The following TMEM132C variants were observed in gnomAD, a reference collection of about 807,000 sequenced individuals.
TMEM132C encodes transmembrane protein 132C, also known as protein phosphatase 1, regulatory subunit 152.
In TMEM132C, 29 loss-of-function variants were observed where a neutral mutation model predicts 61.4. The ratio of observed to expected loss-of-function variants is 0.47; its 90% confidence interval spans 0.35 to 0.64. The LOEUF (loss-of-function observed/expected upper bound fraction) is 0.64. TMEM132C is among the 30% of genes least tolerant of loss of function. The pLI, the probability that TMEM132C is intolerant of heterozygous loss-of-function variation, is 0.00. For missense variants in TMEM132C, 1,408 were observed against 1,476.9 expected, an observed-to-expected ratio of 0.95 and a Z score of 0.76; for synonymous variants, 656 against 633.1, an observed-to-expected ratio of 1.04 and a Z score of -0.54.
At chr12:128,662,066 G>A (rs964463256) in intron 4 of TMEM132C, among the ~76,000 whole-genome samples, 11 of 152,110 alleles carry the variant, frequency 7.2e-5, no homozygotes, top group African/African-American at 2.4e-4. Context: ...AAAGTTATCA[G>A]CCATGTTTTC....
intron 1 of TMEM132C, among the ~76,000 whole-genome samples, chr12:128,303,611 AG>A (rs1249239243): frequency 6.6e-6 from 1 of 152,244 alleles, no homozygotes; most frequent in East Asian, 1.9e-4. Context: ...CTTAGGCATC[AG>A]GAGAAGTTTG....
chr12:128,477,428 T>G (rs1871185872), intron 2 of TMEM132C, among the ~76,000 whole-genome samples: 1 of 152,186 alleles, frequency 6.6e-6, no homozygotes, highest in African/African-American at 2.4e-5. Flanking sequence ...GATAAGTCCA[T>G]GGCTCAGCCC....
At chr12:128,552,079 C>A (rs866060462) in intron 3 of TMEM132C, among the ~76,000 whole-genome samples, 1 of 152,212 alleles carries the variant, frequency 6.6e-6, no homozygotes, top group Non-Finnish European at 1.5e-5. Flanking sequence ...GAGGCGGGCT[C>A]CCCAGCGGGG....
At chr12:128,596,519 C>T (rs1875958001) in intron 3 of TMEM132C, among the ~76,000 whole-genome samples, 1 of 149,756 alleles carries the variant, frequency 6.7e-6, no homozygotes, top group African/African-American at 2.5e-5. Context: ...GGTCCTGGTA[C>T]AGAGGCGGCA....
intron 2 of TMEM132C, among the ~76,000 whole-genome samples, chr12:128,538,360 G>T (rs1873612186): frequency 6.6e-6 from 1 of 152,168 alleles, no homozygotes; most frequent in Non-Finnish European, 1.5e-5. Flanking sequence ...CTGACCTCAG[G>T]TGATCTGCCC....
intron 1 of TMEM132C, among the ~76,000 whole-genome samples, chr12:128,395,229 ATTAAT>A (rs1320402775): frequency 6.6e-6 from 1 of 150,478 alleles, no homozygotes; most frequent in African/African-American, 2.4e-5. Flanking sequence ...ATATATTAAA[ATTAAT>A]TTAATAGAAT....
chr12:128,442,536 A>G (rs773622702), intron 2 of TMEM132C, among the ~76,000 whole-genome samples: 1 of 152,112 alleles, frequency 6.6e-6, no homozygotes, highest in Non-Finnish European at 1.5e-5. Flanking sequence ...TTAAAAAATT[A>G]AAAGAATTTT....
chr12:128,652,236 C>G (rs540750884), intron 4 of TMEM132C, among the ~76,000 whole-genome samples: 2 of 152,300 alleles, frequency 1.3e-5, no homozygotes, highest in African/African-American at 4.8e-5. Context: ...TCCTCGTCTG[C>G]ACATCAAAGG....
intron 2 of TMEM132C, among the ~76,000 whole-genome samples, chr12:128,464,236 G>T (rs1870643496): frequency 6.6e-6 from 1 of 152,156 alleles, no homozygotes; most frequent in African/African-American, 2.4e-5. Context: ...GCATTAAATG[G>T]TGCTTCCAAG....
chr12:128,325,444 G>A (rs902421881), intron 1 of TMEM132C, among the ~76,000 whole-genome samples: 1 of 151,792 alleles, frequency 6.6e-6, no homozygotes, highest in African/African-American at 2.4e-5. Flanking sequence ...AAAATACATG[G>A]GTGTCTCTGT....
At chr12:128,568,000 A>G (rs919030643) in intron 3 of TMEM132C, among the ~76,000 whole-genome samples, 3 of 152,126 alleles carry the variant, frequency 2.0e-5, no homozygotes, top group Non-Finnish European at 4.4e-5. Flanking sequence ...GCAGGAGCCA[A>G]TGTCCATTAC....
chr12:128,287,346 A>G (rs1871106506), intron 1 of TMEM132C, among the ~76,000 whole-genome samples: 3 of 152,316 alleles, frequency 2.0e-5, no homozygotes, highest in South Asian at 4.2e-4. Flanking sequence ...GGCTTTCAGA[A>G]AAGTTGCAAA....
At chr12:128,607,930 G>A (rs914955452) in intron 3 of TMEM132C, among the ~76,000 whole-genome samples, 6 of 152,100 alleles carry the variant, frequency 3.9e-5, no homozygotes, top group South Asian at 4.1e-4. Flanking sequence ...TTGTGGTCAC[G>A]CTCTCCCATA....
intron 4 of TMEM132C, among the ~76,000 whole-genome samples, chr12:128,656,044 CTTTT>C (rs1436850954): frequency 3.3e-5 from 5 of 152,094 alleles, no homozygotes; most frequent in African/African-American, 1.2e-4. Flanking sequence ...CAGTAAATGG[CTTTT>C]TGTTTGTTTG....
chr12:128,474,101 C>T (rs538216414), intron 2 of TMEM132C, among the ~76,000 whole-genome samples: 2 of 152,250 alleles, frequency 1.3e-5, no homozygotes, highest in East Asian at 1.9e-4. Flanking sequence ...TTCTTAAACT[C>T]GAGGAAACAT....
intron 1 of TMEM132C, among the ~76,000 whole-genome samples, chr12:128,271,267 T>TA (rs140971953): frequency 4.2e-5 from 6 of 143,032 alleles, no homozygotes; most frequent in East Asian, 2.0e-4. Context: ...ATAATAATAA[T>TA]ATAATAATAA....
At chr12:128,308,526 C>G (rs953164734) in intron 1 of TMEM132C, among the ~76,000 whole-genome samples, 1 of 152,164 alleles carries the variant, frequency 6.6e-6, no homozygotes, top group African/African-American at 2.4e-5. Flanking sequence ...TGCAGACACT[C>G]AAGAAACTTT....
intron 3 of TMEM132C, among the ~76,000 whole-genome samples, chr12:128,613,144 G>T (rs142674870): frequency 5.9e-5 from 9 of 152,288 alleles, no homozygotes; most frequent in Non-Finnish European, 1.0e-4. Context: ...ACATTTGGAT[G>T]GTTGCCACAT....
chr12:128,539,946 T>C (rs12815877), intron 2 of TMEM132C, among the ~76,000 whole-genome samples: 80,923 of 151,676 alleles, frequency 0.53, 22,383 homozygotes, highest in Non-Finnish European at 0.61. Context: ...TCTTAAATTA[T>C]TTCATTAATG....
Sources: gnomAD v4.1 joint callset for allele counts (sites outside exome capture counted in the v4.1 genomes callset) on GRCh38, gnomAD v4.1.1 for gene constraint, MANE v1.5 for transcripts, NCBI Gene and HGNC (gene_info 2026-07-23, HGNC 2026-07-21) for gene names.